The following FBXO47 variants were observed in gnomAD, a reference collection of about 807,000 sequenced individuals.
FBXO47 encodes the protein F-box protein 47.
Under a neutral mutation model 53.9 loss-of-function variants are expected in FBXO47, and 34 were observed. That is an observed-to-expected ratio of 0.63 (90% CI 0.48 to 0.84). The LOEUF is 0.84. Ranked by LOEUF, FBXO47 falls within the 40% of genes least tolerant of loss-of-function variation. The pLI is 0.00. For missense variants in FBXO47, 485 were observed against 541.3 expected, an observed-to-expected ratio of 0.90 and a Z score of 1.03; for synonymous variants, 165 against 181.6, an observed-to-expected ratio of 0.91 and a Z score of 0.73.
chr17:38,952,650 G>A (rs915322280), intron 5 of FBXO47, among the ~76,000 whole-genome samples: 20 of 151,948 alleles, frequency 1.3e-4, no homozygotes, highest in Non-Finnish European at 2.6e-4. Context: ...TGTGAGGCAA[G>A]TAACTAAAAC....
intron 9 of FBXO47, 101 bp from the exon 10 acceptor site, chr17:38,938,833 A>G (rs1904367679): frequency 4.5e-6 from 4 of 898,454 alleles, no homozygotes; most frequent in Non-Finnish European, 6.6e-6. Flanking sequence ...GTGATTTTAC[A>G]TAATTTATGA....
chr17:38,948,514 C>T (rs2143926196), intron 6 of FBXO47, among the ~76,000 whole-genome samples: 1 of 152,164 alleles, frequency 6.6e-6, no homozygotes. Context: ...CACGCCCCGC[C>T]CCTATTCTGG....
chr17:38,944,431 G>C (rs183422388), intron 7 of FBXO47, among the ~76,000 whole-genome samples: 1 of 151,618 alleles, frequency 6.6e-6, no homozygotes, highest in Non-Finnish European at 1.5e-5. Context: ...GGCCAGGCGC[G>C]GTGGCTCACA....
At chr17:38,944,191 ATGTGTG>A (rs71141737) in intron 7 of FBXO47, among the ~76,000 whole-genome samples, 9,154 of 133,530 alleles carry the variant, frequency 0.069, 332 homozygotes, top group Non-Finnish European at 0.093. Context: ...CAAAAAAAAC[ATGTGTG>A]TGTGTGTGTG....
rs565388199 is a variant in FBXO47, at chr17:38,938,577, C to T, written c.1239G>A (p.Met413Ile). ...ACCAAGTACATTCCTACTCACCAGA[C>T]ATAATTGATTGCAGCATTTCCATTA... ...CVIMEMLQSI[M>I]SGDRDEDDRS... Residue 413 changes from methionine to isoleucine, a missense_variant, in exon 10 of 11, where the codon ATG becomes ATA. Coordinates refer to ENST00000378079, the MANE Select transcript of FBXO47 (RefSeq NM_001008777.3). The T allele has an allele frequency of 3.1e-6, 5 of 1,610,258 alleles. No homozygotes were observed. The highest frequency in any genetic ancestry group is 4.5e-5 in the East Asian group (2 of 44,790).
Position 38,940,030 on chromosome 17 carries a change from A to G in FBXO47, c.1084-1298T>C, listed in dbSNP as rs1043255596. Reference sequence around the variant, plus strand: ...TCACATAGCCAAATAAATAATGCATATTATTAAAATAAACTGTATAGTAGT... The same window carrying G: ...TCACATAGCCAAATAAATAATGCATGTTATTAAAATAAACTGTATAGTAGT... On this transcript the variant is annotated intron_variant, in intron 9 of 10. Coordinates refer to ENST00000378079, the MANE Select transcript of FBXO47 (RefSeq NM_001008777.3). Among the ~76,000 whole-genome samples, 24 of 152,120 alleles carry G rather than the reference A, an allele frequency of 1.6e-4. 1 individual carries two copies. Among genetic ancestry groups the G allele is most frequent in the African/African-American group, 5.8e-4 (24 of 41,414 alleles).
intron 9 of FBXO47, among the ~76,000 whole-genome samples, chr17:38,941,578 C>T (rs1904504725): frequency 6.9e-6 from 1 of 144,198 alleles, no homozygotes; most frequent in African/African-American, 2.6e-5. Flanking sequence ...AGTAAGCACT[C>T]AATACAAATT....
Position 38,946,613 on chromosome 17 carries a change from A to AAT in FBXO47, c.617-1478_617-1477insAT, listed in dbSNP as rs1491265695. Reference sequence around the variant, plus strand: ...CTATATAAATATATGAATATATATAACTATATAAATATATATGAATATATA... The same window carrying AAT: ...CTATATAAATATATGAATATATATAAATCTATATAAATATATATGAATATATA... On this transcript the variant is annotated intron_variant, in intron 6 of 10. Transcript: ENST00000378079. 3.1e-4 allele frequency among the ~76,000 whole-genome samples: 14 copies of AAT among 44,778 alleles called. 1 individual carries two copies. In the East Asian group the frequency reaches 9.8e-3, roughly 31 times the overall value. 29.4% of individuals were successfully genotyped at this position (44,778 alleles called of 152,430 possible). A position where few individuals can be genotyped will look rare whatever the true frequency, so the allele number is the denominator to read the frequency against.
chr17:38,963,057 C>A lies in FBXO47; in HGVS notation c.-26-6G>T. 2 of 1,532,006 alleles carry A rather than the reference C, an allele frequency of 1.3e-6. No individual in the cohort carries two copies. Among genetic ancestry groups the A allele is most frequent in the South Asian group, 2.3e-5 (2 of 86,404 alleles). 94.9% of individuals were successfully genotyped at this position (1,532,006 alleles called of 1,614,324 possible). ...TCTTGTCTCACAAATTTATCCTGGT[C>A]AGAAAAACAAAGTACAAGAGACAAG... On this transcript the variant is annotated splice_polypyrimidine_tract_variant and splice_region_variant and intron_variant, in intron 1 of 10. Transcript: ENST00000378079.
intron 3 of FBXO47, among the ~76,000 whole-genome samples, chr17:38,957,643 T>C (rs1905615615): frequency 6.6e-6 from 1 of 151,972 alleles, no homozygotes; most frequent in African/African-American, 2.4e-5. Flanking sequence ...CACAAAGGAA[T>C]ATGTTTTAAG....
chr17:38,940,404 A>G (rs1904453997), intron 9 of FBXO47, among the ~76,000 whole-genome samples: 2 of 151,854 alleles, frequency 1.3e-5, no homozygotes, highest in Admixed American at 6.6e-5. Flanking sequence ...CACAAAGCCA[A>G]TTATGTCTCT....
At chr17:38,955,020 T>C in intron 4 of FBXO47, 87 bp from the exon 5 acceptor site, 1 of 1,023,406 alleles carries the variant, frequency 9.8e-7, no homozygotes, top group Non-Finnish European at 1.5e-6. Flanking sequence ...TCAAATTTAA[T>C]GGAAATAAGC....
At chr17:38,948,860 C>G (rs1905067998) in intron 6 of FBXO47, among the ~76,000 whole-genome samples, 2 of 151,852 alleles carry the variant, frequency 1.3e-5, no homozygotes, top group African/African-American at 2.4e-5. Context: ...ATCTATCAAC[C>G]CACCATCTAC....
At chr17:38,945,850 G>A (rs1410711461) in intron 6 of FBXO47, among the ~76,000 whole-genome samples, 6 of 149,224 alleles carry the variant, frequency 4.0e-5, no homozygotes, top group Admixed American at 3.4e-4. Context: ...GCAGGAGAAT[G>A]GCGTTAACCC....
intron 6 of FBXO47, among the ~76,000 whole-genome samples, chr17:38,949,455 T>C (rs191431691): frequency 5.0e-4 from 76 of 150,938 alleles, no homozygotes; most frequent in Admixed American, 2.4e-3. Flanking sequence ...AAAACAACAA[T>C]AACAACAACA....
At chr17:38,957,772 C>T (rs1300134478) in intron 3 of FBXO47, among the ~76,000 whole-genome samples, 2 of 150,020 alleles carry the variant, frequency 1.3e-5, no homozygotes, top group Non-Finnish European at 2.9e-5. Context: ...GCCATCATGG[C>T]TCACTGCAGT....
chr17:38,966,271 G>A (rs138067754), intron 1 of FBXO47, among the ~76,000 whole-genome samples: 3,759 of 152,150 alleles, frequency 0.025, 154 homozygotes, highest in African/African-American at 0.085. Flanking sequence ...GCGCGATCTC[G>A]GCTCACTGCA....
chr17:38,942,866 C>A lies in FBXO47; in HGVS notation c.995G>T (p.Gly332Val). The A allele has an allele frequency of 6.2e-7, 1 of 1,613,738 alleles. No homozygotes were observed. Residue 332 changes from glycine (G) to valine (V), a missense_variant, in exon 9 of 11, where the codon GGA (glycine) becomes GTA (valine). Gly to Val is a moderately radical substitution (Grantham distance 109). Transcript: ENST00000378079. ...CATGAAACTGAAACAGATGTTGTTT[C>A]CACTTAGCATTAGGAGACGTGCATT... Reference protein sequence around the residue: ...ENNARLLMLSGNNICFSFMAS... With the variant: ...ENNARLLMLSVNNICFSFMAS...
chr17:38,938,713 T>C lies in FBXO47; in HGVS notation c.1103A>G (p.Tyr368Cys). 1 of 1,595,446 alleles carries C rather than the reference T, an allele frequency of 6.3e-7. No individual in the cohort carries two copies. Among genetic ancestry groups the C allele is most frequent in the Non-Finnish European group, 8.6e-7 (1 of 1,165,560 alleles). ...CATTTTAACTGTCCAATCCATGCAGTACAGTTCTTTCTCACACACCTGATT... is the reference window on the plus strand; with the variant it reads ...CATTTTAACTGTCCAATCCATGCAGCACAGTTCTTTCTCACACACCTGATT... ...FLALVCEKELYCMDWTVKMMQ... is the reference protein window; with the variant it reads ...FLALVCEKELCCMDWTVKMMQ... Residue 368 changes from tyrosine (Y) to cysteine (C), a missense_variant, in exon 10 of 11, where the codon TAC (tyrosine) becomes TGC (cysteine). By Grantham distance (194) the Tyr-to-Cys change is radical (BLOSUM62 -2). Transcript: ENST00000378079.
Sources: gnomAD v4.1 joint callset for allele counts (sites outside exome capture counted in the v4.1 genomes callset) on GRCh38, gnomAD v4.1.1 for gene constraint, MANE v1.5 for transcripts, NCBI Gene and HGNC (gene_info 2026-07-23, HGNC 2026-07-21) for gene names.